Variants in ITPR1 observed in about 807,000 individuals in gnomAD.
ITPR1 encodes the protein inositol 1,4,5-trisphosphate receptor type 1.
Under a neutral mutation model 318.4 loss-of-function variants are expected in ITPR1, and 96 were observed. The observed-to-expected ratio is 0.30, with a 90% CI of 0.26 to 0.36. The LOEUF (loss-of-function observed/expected upper bound fraction) is 0.36. Among genes scored for constraint, ITPR1 ranks in the 10% least tolerant of loss-of-function variants. The pLI is 1.00. For missense variants in ITPR1, 2,440 were observed against 3,460.2 expected (o/e 0.71, Z 7.40); for synonymous variants, 1,312 against 1,289.9 (o/e 1.02, Z -0.37).
chr3:4,564,788 G>T (rs2087046479), intron 4 of ITPR1, among the ~76,000 whole-genome samples: 1 of 152,098 alleles, frequency 6.6e-6, no homozygotes, highest in Non-Finnish European at 1.5e-5. Context: ...TTTTTAAGCT[G>T]CCTGAACTGT....
chr3:4,547,721 A>T (rs1325455054), intron 4 of ITPR1, among the ~76,000 whole-genome samples: 4 of 152,176 alleles, frequency 2.6e-5, no homozygotes, highest in South Asian at 2.1e-4. Flanking sequence ...CCCCCTTCAT[A>T]TGCAGTTACA....
chr3:4,717,519 G>T, intron 40 of ITPR1, 120 bp downstream of exon 40: 1 of 853,088 alleles, frequency 1.2e-6, no homozygotes, highest in South Asian at 1.3e-5. Flanking sequence ...GCTTTGTGTG[G>T]TGTGCCCTCT....
intron 16 of ITPR1, 133 bp downstream of exon 16, chr3:4,663,339 G>T (rs1440430915): frequency 1.4e-6 from 1 of 701,272 alleles, no homozygotes; most frequent in East Asian, 2.9e-5. Context: ...GGAAATGGAG[G>T]TTGCAGTGAG....
At chr3:4,783,942 G>A (rs752383223) in intron 51 of ITPR1, 22 bp downstream of exon 51, 1 of 1,544,452 alleles carries the variant, frequency 6.5e-7, no homozygotes, top group South Asian at 1.2e-5. Context: ...GTAAACTCAG[G>A]GCATGGGGTT....
intron 4 of ITPR1, among the ~76,000 whole-genome samples, chr3:4,567,354 A>G (rs2087412790): frequency 6.6e-6 from 1 of 152,160 alleles, no homozygotes; most frequent in Non-Finnish European, 1.5e-5. Context: ...GAATTTGTGT[A>G]ATGTTCCAGG....
At chr3:4,652,035 T>A (rs1181072895) in intron 10 of ITPR1, 88 bp from the exon 11 acceptor site, 8 of 1,008,948 alleles carry the variant, frequency 7.9e-6, no homozygotes, top group Middle Eastern at 2.0e-4. Flanking sequence ...TAAACATCCC[T>A]CCTGAACTAT....
rs1022863225 is a variant in ITPR1, at chr3:4,779,324, C to A, written c.6292-226C>A. ...ACACACATGCCCTGACAAATATGTG[C>A]CTCTTTGTCCGAAATCAGATTCTGC... On this transcript the variant is annotated intron_variant, in intron 48 of 61. Transcript: ENST00000649015. The surrounding 1 kb of genome is among the most constrained non-coding windows in gnomAD (Gnocchi z 4.0). 6.6e-5 allele frequency among the ~76,000 whole-genome samples: 10 copies of A among 152,240 alleles called. No homozygotes were observed. The highest frequency in any genetic ancestry group is 2.2e-4 in the African/African-American group (9 of 41,466).
At chr3:4,813,115 A>G (rs1458226425) in intron 56 of ITPR1, 27 bp from the exon 57 acceptor site, 2 of 1,573,794 alleles carry the variant, frequency 1.3e-6, no homozygotes, top group East Asian at 4.5e-5. Context: ...CAGATTGTTC[A>G]TCATAAAATT....
intron 4 of ITPR1, among the ~76,000 whole-genome samples, chr3:4,525,080 GTTA>G (rs1170482176): frequency 1.3e-5 from 2 of 151,826 alleles, no homozygotes; most frequent in East Asian, 3.9e-4. Flanking sequence ...ATTATATATT[GTTA>G]TTTTTTTTTT....
chr3:4,523,984 C>T (rs964362911), intron 4 of ITPR1, among the ~76,000 whole-genome samples: 1 of 152,198 alleles, frequency 6.6e-6, no homozygotes, highest in Admixed American at 6.5e-5. Context: ...GGTCACGTGA[C>T]AGTGACTTGA....
At chr3:4,741,137 C>A (rs759189684) in intron 44 of ITPR1, among the ~76,000 whole-genome samples, 7 of 152,268 alleles carry the variant, frequency 4.6e-5, no homozygotes, top group Non-Finnish European at 1.0e-4. Context: ...CTCTTCCTTA[C>A]AGAAGGACAG....
chr3:4,650,650 C>CT (rs2093576777), intron 10 of ITPR1, among the ~76,000 whole-genome samples: 1 of 49,972 alleles, frequency 2.0e-5, no homozygotes. Context: ...TGTGTGCGCG[C>CT]GTCTGTCTGT....
intron 51 of ITPR1, 50 bp downstream of exon 51, chr3:4,783,970 G>A (rs1242766311): frequency 2.4e-6 from 3 of 1,262,164 alleles, no homozygotes; most frequent in Non-Finnish European, 3.4e-6. Flanking sequence ...GGCCATTAGT[G>A]TGCAATGCCC....
chr3:4,617,222 A>G (rs1050535966), intron 4 of ITPR1, among the ~76,000 whole-genome samples: 3 of 151,968 alleles, frequency 2.0e-5, no homozygotes, highest in African/African-American at 7.3e-5. Context: ...GTCTTAGTCT[A>G]TTTGTGCTGG....
chr3:4,685,773 G>C (rs148287920), intron 30 of ITPR1, among the ~76,000 whole-genome samples: 1 of 152,186 alleles, frequency 6.6e-6, no homozygotes, highest in African/African-American at 2.4e-5. Context: ...GGGGAGGCAG[G>C]AGCAGGCTGA....
chr3:4,592,707 G>A (rs2090487649), intron 4 of ITPR1, among the ~76,000 whole-genome samples: 1 of 152,194 alleles, frequency 6.6e-6, no homozygotes, highest in African/African-American at 2.4e-5. Context: ...GGATTTGCAA[G>A]CTCTTTTTAG....
intron 32 of ITPR1, among the ~76,000 whole-genome samples, chr3:4,691,843 C>T (rs2094483810): frequency 6.6e-6 from 1 of 152,108 alleles, no homozygotes; most frequent in Non-Finnish European, 1.5e-5. Flanking sequence ...GTTCCATTGG[C>T]AGGGAGGGTA....
intron 4 of ITPR1, among the ~76,000 whole-genome samples, chr3:4,537,277 A>G (rs1385759169): frequency 2.6e-5 from 4 of 152,172 alleles, no homozygotes; most frequent in Non-Finnish European, 5.9e-5. Context: ...TGTTTTCTTT[A>G]TGTCAAAATT....
At chr3:4,522,690 A>G (rs1233099455) in intron 4 of ITPR1, among the ~76,000 whole-genome samples, 1 of 152,270 alleles carries the variant, frequency 6.6e-6, no homozygotes, top group East Asian at 1.9e-4. Context: ...TGTTTCGTCC[A>G]ACGATCATAA....
Sources: gnomAD v4.1 joint callset for allele counts (sites outside exome capture counted in the v4.1 genomes callset) on GRCh38, gnomAD v4.1.1 for gene constraint, Gnocchi (gnomAD v3.1) non-coding constraint, MANE v1.5 for transcripts, NCBI Gene and HGNC (gene_info 2026-07-23, HGNC 2026-07-21) for gene names.